The following ABHD3 variants were observed in gnomAD, a reference collection of about 807,000 sequenced individuals.
ABHD3 encodes the protein abhydrolase domain containing 3, phospholipase.
In ABHD3, 46 loss-of-function variants were observed where a neutral mutation model predicts 48.8. The ratio of observed to expected loss-of-function variants is 0.94; its 90% CI spans 0.74 to 1.20. ABHD3 has a LOEUF of 1.20. Ranked by LOEUF, ABHD3 falls within the 50% of genes most tolerant of loss-of-function variation. The pLI, the probability that ABHD3 is intolerant of heterozygous loss-of-function variation, is 0.00. For synonymous variants in ABHD3, 192 were observed against 183.7 expected, an observed-to-expected ratio of 1.04 and a Z score of -0.36; for missense variants, 490 against 497.8, an observed-to-expected ratio of 0.98 and a Z score of 0.15.
At chr18:21,688,190 A>C (rs140866083) in intron 3 of ABHD3, among the ~76,000 whole-genome samples, 118 of 152,332 alleles carry the variant, frequency 7.7e-4, no homozygotes, top group African/African-American at 2.8e-3. Context: ...ACCTAAGAAA[A>C]GCAGTGAAAC....
At chr18:21,694,858 C>T (rs957696479) in intron 3 of ABHD3, among the ~76,000 whole-genome samples, 1 of 152,074 alleles carries the variant, frequency 6.6e-6, no homozygotes, top group Non-Finnish European at 1.5e-5. Flanking sequence ...CTACTCCTTC[C>T]CTCCATAAAA....
chr18:21,659,660 GTT>G (rs1555678449), intron 5 of ABHD3, among the ~76,000 whole-genome samples: 1 of 146,564 alleles, frequency 6.8e-6, no homozygotes, highest in South Asian at 2.2e-4. Flanking sequence ...ATCACCTAGA[GTT>G]TTTTTTTTTT....
intron 8 of ABHD3, among the ~76,000 whole-genome samples, 190 bp downstream of exon 8, chr18:21,656,671 T>C (rs1019025625): frequency 7.9e-5 from 12 of 152,188 alleles, no homozygotes; most frequent in Non-Finnish European, 1.5e-4. Flanking sequence ...TCTGAGCCTC[T>C]CACAATGGAC....
intron 4 of ABHD3, among the ~76,000 whole-genome samples, chr18:21,680,446 T>G (rs2039979704): frequency 6.6e-6 from 1 of 152,208 alleles, no homozygotes; most frequent in Non-Finnish European, 1.5e-5. Context: ...AGCTGGTTAG[T>G]GGTGACAACC....
intron 8 of ABHD3, among the ~76,000 whole-genome samples, chr18:21,652,913 C>T (rs1406713857): frequency 6.7e-5 from 10 of 149,924 alleles, no homozygotes; most frequent in African/African-American, 2.5e-4. Context: ...ATTGGCTGGG[C>T]GTGGTGGCGC....
chr18:21,655,562 G>T (rs932628745), intron 8 of ABHD3, among the ~76,000 whole-genome samples: 1 of 152,174 alleles, frequency 6.6e-6, no homozygotes, highest in Non-Finnish European at 1.5e-5. Flanking sequence ...AAAGTTGGCG[G>T]GGTGTGGTGG....
intron 5 of ABHD3, chr18:21,663,698 A>G (rs2039553614): frequency 1.3e-6 from 2 of 1,535,572 alleles, no homozygotes; most frequent in Non-Finnish European, 1.7e-6. Context: ...ATAATTTTGA[A>G]GGCCACTGCA....
chr18:21,693,356 T>A lies in ABHD3; in HGVS notation c.509+8960A>T, dbSNP rs745652873. Among the ~76,000 whole-genome samples the A allele has an allele frequency of 3.9e-5, 6 of 152,192 alleles. No individual in the cohort carries two copies. In the South Asian group the frequency reaches 1.2e-3, roughly 32 times the overall value. ...GTGCTGAGCAATGACATAATTTGTC[T>A]GTGGGTAGGCAGGTAGTGTATGACA... On this transcript the variant is annotated intron_variant, in intron 3 of 8. Transcript: ENST00000289119.
chr18:21,658,797 A>G (rs887427887), intron 6 of ABHD3, among the ~76,000 whole-genome samples: 5 of 149,202 alleles, frequency 3.4e-5, no homozygotes, highest in Non-Finnish European at 5.9e-5. Context: ...TACGCTTTAA[A>G]TTTTTTTACT....
chr18:21,675,822 G>A (rs1331113771), intron 4 of ABHD3, among the ~76,000 whole-genome samples: 1 of 152,146 alleles, frequency 6.6e-6, no homozygotes, highest in African/African-American at 2.4e-5. Context: ...CGTGGACCTG[G>A]TAGCTCATGC....
At chr18:21,658,272 T>C (rs560467859) in intron 6 of ABHD3, among the ~76,000 whole-genome samples, 7 of 152,066 alleles carry the variant, frequency 4.6e-5, no homozygotes, top group South Asian at 2.1e-4. Context: ...AATGCAAAGA[T>C]AGTATTTTGG....
At chr18:21,673,212 GA>G (rs2039794596) in intron 4 of ABHD3, among the ~76,000 whole-genome samples, 1 of 152,168 alleles carries the variant, frequency 6.6e-6, no homozygotes, top group South Asian at 2.1e-4. Flanking sequence ...GACTCACCAA[GA>G]AGTGTTTATT....
Position 21,702,357 on chromosome 18 carries a change from A to G in ABHD3, c.468T>C (p.Tyr156=). Residue 156 remains tyrosine, a synonymous_variant, in exon 3 of 9, where the codon TAT becomes TAC. Coordinates refer to ENST00000289119, the MANE Select transcript of ABHD3 (RefSeq NM_138340.5). ...CACTAAGATGGATCATATGAAGGAT[A>G]TATGACTCCTTGCTTGTTCCCGTGA... ...PGLTGTSKES[Y]ILHMIHLSEE... The G allele has an allele frequency of 1.2e-6, 2 of 1,613,262 alleles. No homozygotes were observed. The highest frequency in any genetic ancestry group is 1.1e-5 in the South Asian group (1 of 90,832).
intron 4 of ABHD3, chr18:21,682,951 G>C (rs1437857530): frequency 6.6e-6 from 1 of 152,230 alleles, no homozygotes; most frequent in Non-Finnish European, 1.5e-5. Context: ...ATAACACTCT[G>C]CAACTTTTGC....
chr18:21,666,145 T>C (rs1021482737), intron 4 of ABHD3, among the ~76,000 whole-genome samples: 1 of 152,128 alleles, frequency 6.6e-6, no homozygotes, highest in Non-Finnish European at 1.5e-5. Context: ...GCAATTCTCC[T>C]GCCTTAGCTT....
Position 21,704,760 on chromosome 18 carries a change from A to T in ABHD3, c.-95T>A. ...GAGAGCGGACGCGGCGCCGCTGCCTACTCCCGACCACAGTGTCTCCTGCCT... is the reference window on the plus strand; with the variant it reads ...GAGAGCGGACGCGGCGCCGCTGCCTTCTCCCGACCACAGTGTCTCCTGCCT... On this transcript the variant is annotated 5_prime_UTR_variant, in exon 1 of 9. Coordinates refer to ENST00000289119, the MANE Select transcript of ABHD3 (RefSeq NM_138340.5). The T allele has an allele frequency of 9.6e-7, 1 of 1,040,728 alleles. No individual in the cohort carries two copies. The highest frequency in any genetic ancestry group is 3.0e-5 in the South Asian group (1 of 33,498). The allele number at this position is 1,040,728 out of a possible 1,614,324, so 64.5% of individuals were successfully genotyped here.
chr18:21,675,857 C>G (rs540614214), intron 4 of ABHD3, among the ~76,000 whole-genome samples: 5 of 152,090 alleles, frequency 3.3e-5, no homozygotes, highest in Non-Finnish European at 7.4e-5. Flanking sequence ...CTTTGGGAGG[C>G]CAAGGTGGGC....
chr18:21,681,456 T>C (rs557028362), intron 4 of ABHD3, among the ~76,000 whole-genome samples: 2 of 152,262 alleles, frequency 1.3e-5, no homozygotes, highest in Admixed American at 6.5e-5. Flanking sequence ...CCCCTCCGTC[T>C]GCTTTCAAAC....
At chr18:21,685,602 C>T (rs2040113117) in intron 3 of ABHD3, among the ~76,000 whole-genome samples, 1 of 152,252 alleles carries the variant, frequency 6.6e-6, no homozygotes, top group Non-Finnish European at 1.5e-5. Context: ...GGTCACAGTT[C>T]ACTGCAGCCT....
Sources: allele counts gnomAD v4.1 joint callset (sites outside exome capture counted in the v4.1 genomes callset), GRCh38; gene constraint gnomAD v4.1.1; transcripts MANE v1.5; gene names NCBI Gene and HGNC (gene_info 2026-07-23, HGNC 2026-07-21).